Variants in CA8 observed in about 807,000 individuals in gnomAD.
CA8 encodes carbonic anhydrase 8 (inactive).
A neutral mutation model predicts 41.4 loss-of-function variants in CA8; 22 were observed. The observed-to-expected ratio is 0.53, with a 90% CI of 0.38 to 0.76. CA8 has a LOEUF of 0.76. CA8 is among the 30% of genes least tolerant of loss of function. CA8 has a pLI of 0.00. For synonymous variants in CA8, 121 were observed against 130.6 expected (o/e 0.93, Z 0.50); for missense variants, 270 against 352.8 (o/e 0.77, Z 1.88).
chr8:60,270,792 T>C (rs1282641402), intron 2 of CA8, among the ~76,000 whole-genome samples: 1 of 152,220 alleles, frequency 6.6e-6, no homozygotes, highest in Non-Finnish European at 1.5e-5. Context: ...ATGTTATCTC[T>C]AAAACTTCCC....
At chr8:60,273,888 C>T (rs879060216) in intron 2 of CA8, among the ~76,000 whole-genome samples, 1 of 152,226 alleles carries the variant, frequency 6.6e-6, no homozygotes, top group Non-Finnish European at 1.5e-5. Flanking sequence ...AAGGCAGTAA[C>T]TCCAGATGGG....
At chr8:60,191,338 C>G (rs1405530940) in intron 8 of CA8, among the ~76,000 whole-genome samples, 1 of 151,932 alleles carries the variant, frequency 6.6e-6, no homozygotes, top group East Asian at 1.9e-4. Context: ...GATTATCAAA[C>G]TGTAAAATCA....
intron 3 of CA8, among the ~76,000 whole-genome samples, chr8:60,264,194 C>T (rs1464339731): frequency 6.6e-6 from 1 of 152,216 alleles, no homozygotes; most frequent in African/African-American, 2.4e-5. Flanking sequence ...AAGAGCACAG[C>T]TCGCTAATTA....
chr8:60,279,234 T>C (rs1804332933), intron 2 of CA8, among the ~76,000 whole-genome samples: 1 of 152,226 alleles, frequency 6.6e-6, no homozygotes, highest in African/African-American at 2.4e-5. Flanking sequence ...GGCAAACTAA[T>C]ACAGTAGAGA....
At chr8:60,218,596 G>T (rs1749053186) in intron 7 of CA8, among the ~76,000 whole-genome samples, 1 of 152,184 alleles carries the variant, frequency 6.6e-6, no homozygotes, top group African/African-American at 2.4e-5. Flanking sequence ...TACACTGCTT[G>T]TATTAACAGG....
chr8:60,257,426 GC>G (rs1189097863), intron 3 of CA8, among the ~76,000 whole-genome samples: 3 of 152,162 alleles, frequency 2.0e-5, no homozygotes, highest in Non-Finnish European at 4.4e-5. Context: ...CTAATGTCTA[GC>G]CCTTTTTCAT....
At chr8:60,208,141 G>A (rs1269531870) in intron 8 of CA8, 1 of 152,700 alleles carries the variant, frequency 6.5e-6, no homozygotes, top group Non-Finnish European at 1.5e-5. Context: ...TAAGAGTAAG[G>A]AATACATACA....
At position 60,187,487 on chromosome 8, in the gene CA8, A is replaced by T. The variant is rs1361618804; in HGVS notation, c.*2534T>A. 6.6e-6 allele frequency: 1 copy of T among 152,166 alleles called. No individual in the cohort carries two copies. The highest frequency in any genetic ancestry group is 1.5e-5 in the Non-Finnish European group (1 of 68,000). The allele number at this position is 152,166 out of a possible 1,614,324, so 9.4% of individuals were successfully genotyped here. ...CTTACTAATCTTACTATTTTGTAAG[A>T]TTTGAGCAGAGTTTGATGACATAGA... is the stretch of plus-strand genomic sequence containing the variant. On this transcript the variant is annotated 3_prime_UTR_variant, in exon 9 of 9. Transcript: ENST00000317995.
chr8:60,259,739 G>GTTT (rs1563375860), intron 3 of CA8, among the ~76,000 whole-genome samples: 2 of 147,422 alleles, frequency 1.4e-5, no homozygotes, highest in Admixed American at 6.7e-5. Context: ...AAATTTGTTT[G>GTTT]CTTTTTTTTT....
chr8:60,230,361 A>C (rs1200152040), intron 4 of CA8, among the ~76,000 whole-genome samples: 1 of 152,074 alleles, frequency 6.6e-6, no homozygotes, highest in Non-Finnish European at 1.5e-5. Context: ...TGTCTGCAAT[A>C]GCTCTTATTG....
At chr8:60,200,340 G>C (rs902568867) in intron 8 of CA8, among the ~76,000 whole-genome samples, 1 of 152,170 alleles carries the variant, frequency 6.6e-6, no homozygotes. Context: ...CCTTCTTCGG[G>C]AGATGGCTTC....
chr8:60,201,491 A>G (rs1180150572), intron 8 of CA8, among the ~76,000 whole-genome samples: 1 of 152,178 alleles, frequency 6.6e-6, no homozygotes, highest in East Asian at 1.9e-4. Flanking sequence ...GGGTATATGG[A>G]CACCAAAATA....
Position 60,281,082 on chromosome 8 carries a change from T to C in CA8, c.66A>G (p.Glu22=), listed in dbSNP as rs115885226. ...AFPEKEEDEE[E]EEEGVEWGYE... Reference sequence around the variant, plus strand: ...AGCCCCACTCCACACCCTCCTCTTCTTCCTCCTCATCCTCTTCCTTCTCGG... The same window carrying C: ...AGCCCCACTCCACACCCTCCTCTTCCTCCTCCTCATCCTCTTCCTTCTCGG... Residue 22 remains glutamate, a synonymous_variant, in exon 1 of 9, where the codon GAA becomes GAG. Coordinates refer to ENST00000317995, the MANE Select transcript of CA8 (RefSeq NM_004056.6). 3,951 of 1,610,634 alleles carry C rather than the reference T, an allele frequency of 2.5e-3. 90 individuals carry two copies. In the African/African-American group the frequency reaches 0.047, roughly 19 times the overall value.
chr8:60,251,975 C>T (rs943242800), intron 3 of CA8, among the ~76,000 whole-genome samples: 1 of 152,118 alleles, frequency 6.6e-6, no homozygotes, highest in Admixed American at 6.6e-5. Flanking sequence ...ACAATACTGG[C>T]TTTCACATCA....
intron 2 of CA8, 25 bp from the exon 3 acceptor site, chr8:60,266,074 G>A (rs371686661): frequency 4.1e-5 from 66 of 1,609,416 alleles, no homozygotes; most frequent in Middle Eastern, 1.7e-4. Context: ...ATATGTTACC[G>A]AATTACAGCA....
At chr8:60,221,817 A>T (rs1807261773) in intron 7 of CA8, among the ~76,000 whole-genome samples, 1 of 152,220 alleles carries the variant, frequency 6.6e-6, no homozygotes, top group Non-Finnish European at 1.5e-5. Flanking sequence ...GGACAAAATA[A>T]AGAAAGCTTT....
chr8:60,222,667 TA>T lies in CA8; in HGVS notation c.719del (p.Leu240Ter). 1 of 1,606,156 alleles carries T rather than the reference TA, an allele frequency of 6.2e-7. No homozygotes were observed. The highest frequency in any genetic ancestry group is 8.5e-7 in the Non-Finnish European group (1 of 1,172,694). ...CACTCACCTGTAGCTGGGATATAGT[TA>T]AAGGGTATCGGAATAATATCCAGGT... ...GVTWILFRYP[L>X]TISQLQIEEF... is the part of the protein sequence containing the mutation. On this transcript the variant is annotated frameshift_variant, in exon 7 of 9. Coordinates refer to ENST00000317995, the MANE Select transcript of CA8 (RefSeq NM_004056.6). LOFTEE classifies it high-confidence loss of function.
At chr8:60,243,603 G>A (rs144423681) in intron 3 of CA8, among the ~76,000 whole-genome samples, 1 of 151,948 alleles carries the variant, frequency 6.6e-6, no homozygotes, top group African/African-American at 2.4e-5. Flanking sequence ...ACTGCTCACC[G>A]TCTACGGCCA....
chr8:60,248,097 T>G (rs928833860), intron 3 of CA8, among the ~76,000 whole-genome samples: 1 of 128,016 alleles, frequency 7.8e-6, no homozygotes, highest in Non-Finnish European at 1.5e-5. Flanking sequence ...GTTTTTGATG[T>G]TTTTTTTTTT....
Sources: gnomAD v4.1 joint callset for allele counts (sites outside exome capture counted in the v4.1 genomes callset) on GRCh38, gnomAD v4.1.1 for gene constraint, MANE v1.5 for transcripts, NCBI Gene and HGNC (gene_info 2026-07-23, HGNC 2026-07-21) for gene names.